UGT1A5: variants seen among roughly 807,000 people sequenced by gnomAD.
The protein encoded by UGT1A5 is UDP-glucuronosyltransferase 1A5.
A neutral mutation model predicts 40.3 loss-of-function variants in UGT1A5; 29 were observed. The observed-to-expected ratio is 0.72, with a 90% CI of 0.54 to 0.98. The LOEUF (loss-of-function observed/expected upper bound fraction) is 0.98, where lower values mean the gene tolerates loss of function less well. Among genes scored for constraint, UGT1A5 ranks in the 50% least tolerant of loss-of-function variants. The probability of loss-of-function intolerance (pLI) is 0.00; values close to 1 mark genes in which losing one functional copy is unlikely to be tolerated. For missense variants in UGT1A5, 678 were observed against 677.9 expected (o/e 1.00, Z 0.00); for synonymous variants, 257 against 262.5 (o/e 0.98, Z 0.20).
intron 1 of UGT1A5, among the ~76,000 whole-genome samples, chr2:233,716,998 C>A (rs2076539575): frequency 6.6e-6 from 1 of 152,190 alleles, no homozygotes; most frequent in African/African-American, 2.4e-5. Context: ...GTCCTCAGGG[C>A]CCCTATGTCT....
At chr2:233,744,574 T>G (rs1165688532) in intron 1 of UGT1A5, among the ~76,000 whole-genome samples, 1 of 151,936 alleles carries the variant, frequency 6.6e-6, no homozygotes, top group Non-Finnish European at 1.5e-5. Context: ...AAGAGTGGCA[T>G]CGTTTTACAG....
At chr2:233,747,436 T>C (rs1449782015) in intron 1 of UGT1A5, 22 of 1,608,824 alleles carry the variant, frequency 1.4e-5, no homozygotes, top group African/African-American at 2.7e-5. Flanking sequence ...GAGAAATTTT[T>C]CACCCTGACA....
At position 233,768,344 on chromosome 2, in the gene UGT1A5, C is replaced by T. The variant is rs114941320; in HGVS notation, c.1212C>T (p.Arg404=). 1 of 1,614,076 alleles carries T rather than the reference C, an allele frequency of 6.2e-7. No individual in the cohort carries two copies. The highest frequency in any genetic ancestry group is 2.2e-5 in the East Asian group (1 of 44,874). The change falls in exon 4 of 5, where the codon CGC becomes CGT. Residue 404 remains arginine (R), a synonymous_variant. Coordinates refer to ENST00000373414, the MANE Select transcript of UGT1A5 (RefSeq NM_019078.2). ...GTGATCAGATGGACAATGCAAAGCG[C>T]ATGGAGACTAAGGGAGCTGGAGTGA... is the stretch of plus-strand genomic sequence containing the variant. ...LFGDQMDNAK[R]METKGAGVTL...
At chr2:233,725,992 T>C (rs1189472170) in intron 1 of UGT1A5, among the ~76,000 whole-genome samples, 2 of 152,010 alleles carry the variant, frequency 1.3e-5, no homozygotes, top group Admixed American at 6.6e-5. Context: ...GTGCTGAGAC[T>C]GCATCTCTAC....
chr2:233,730,165 G>T (rs142374428), intron 1 of UGT1A5, among the ~76,000 whole-genome samples: 1 of 152,156 alleles, frequency 6.6e-6, no homozygotes. Context: ...CTCTAGTAGC[G>T]TATTTCAGGT....
chr2:233,759,159 A>G (rs1697070842), intron 1 of UGT1A5, among the ~76,000 whole-genome samples: 1 of 152,222 alleles, frequency 6.6e-6, no homozygotes, highest in Admixed American at 6.5e-5. Context: ...CACAGAACAC[A>G]AGGCAGGCAG....
In UGT1A5 at chr2:233,769,538, C is replaced by A; in HGVS notation, c.1307+1099C>A. 6.2e-7 allele frequency: 1 copy of A among 1,612,838 alleles called. No homozygotes were observed. Among genetic ancestry groups the A allele is most frequent in the Non-Finnish European group, 8.5e-7 (1 of 1,179,878 alleles). ...CATGGTTACCTCCTTTAGAAAGAAGCAGCAGTCAGGAAGACAGATGTGAAG... is the reference window on the plus strand; with the variant it reads ...CATGGTTACCTCCTTTAGAAAGAAGAAGCAGTCAGGAAGACAGATGTGAAG... On this transcript the variant is annotated intron_variant, in intron 4 of 4. Coordinates refer to ENST00000373414, the MANE Select transcript of UGT1A5 (RefSeq NM_019078.2). The surrounding 1 kb of genome is among the most constrained non-coding windows in gnomAD (Gnocchi z 4.4).
chr2:233,713,198 C>G lies in UGT1A5; in HGVS notation c.207C>G (p.Ile69Met), dbSNP rs540897333. ...VVLTLEVNMY[I>M]KEENFFTLTT... ...TCACCCTGGAGGTGAATATGTACAT[C>G]AAAGAAGAGAACTTTTTCACCCTGA... Residue 69 changes from isoleucine to methionine, a missense_variant, in exon 1 of 5, where the codon ATC becomes ATG. Transcript: ENST00000373414. 1.4e-5 allele frequency: 23 copies of G among 1,614,218 alleles called. 1 individual carries two copies. The highest frequency in any genetic ancestry group is 1.2e-4 in the African/African-American group (9 of 75,058).
intron 1 of UGT1A5, chr2:233,740,628 A>G (rs1368948290): frequency 1.3e-5 from 2 of 151,808 alleles, no homozygotes; most frequent in Non-Finnish European, 2.9e-5. Flanking sequence ...TCACAGGGTC[A>G]TGCCTTTCCT....
intron 1 of UGT1A5, among the ~76,000 whole-genome samples, chr2:233,763,590 A>T (rs772976697): frequency 6.6e-6 from 1 of 152,156 alleles, no homozygotes; most frequent in East Asian, 1.9e-4. Context: ...TTCCTTTGTT[A>T]ACTAAAAATG....
chr2:233,772,783 CAGGATGACATGTGCCATTTTTCAG>C lies in UGT1A5; in HGVS notation c.*229_*252del. 7.8e-7 allele frequency: 1 copy of C among 1,277,504 alleles called. No homozygotes were observed. The highest frequency in any genetic ancestry group is 1.0e-6 in the Non-Finnish European group (1 of 966,400). 79.1% of individuals were successfully genotyped at this position (1,277,504 alleles called of 1,614,324 possible). On this transcript the variant is annotated 3_prime_UTR_variant, in exon 5 of 5. Transcript: ENST00000373414. ...TCGTGCCCCCTCTGGTGTCTTTGAT[CAGGATGACATGTGCCATTTTTCAG>C]AGGACGTGCAGACAGGCTGGCATTC... is the stretch of plus-strand genomic sequence containing the variant.
At chr2:233,741,248 A>G (rs997599929) in intron 1 of UGT1A5, among the ~76,000 whole-genome samples, 1 of 152,014 alleles carries the variant, frequency 6.6e-6, no homozygotes, top group East Asian at 1.9e-4. Context: ...TGACACTGGT[A>G]TGCCACTCTT....
intron 1 of UGT1A5, chr2:233,761,022 G>A (rs749651784): frequency 1.2e-6 from 2 of 1,614,120 alleles, no homozygotes; most frequent in Non-Finnish European, 1.7e-6. Context: ...TGACTGTCCA[G>A]GACCTATTGA....
chr2:233,721,590 T>A (rs2076956234), intron 1 of UGT1A5: 1 of 172,476 alleles, frequency 5.8e-6, no homozygotes, highest in African/African-American at 2.4e-5. Context: ...TGCAACCTCA[T>A]CCTCAGGTTT....
In UGT1A5 at chr2:233,713,049, C is replaced by T. The variant is rs373053318; in HGVS notation, c.58C>T (p.Leu20Phe). ...PQLATGLLLL[L>F]SVQPWAESGK... Reference sequence around the variant, plus strand: ...GCTGGCCACAGGACTGCTGCTTCTCCTCAGTGTCCAGCCCTGGGCTGAGAG... The same window carrying T: ...GCTGGCCACAGGACTGCTGCTTCTCTTCAGTGTCCAGCCCTGGGCTGAGAG... The change falls in exon 1 of 5, where the codon CTC becomes TTC. Residue 20 changes from leucine to phenylalanine, a missense_variant. Physicochemically the swap from Leu to Phe is conservative, Grantham distance 22. Coordinates refer to ENST00000373414, the MANE Select transcript of UGT1A5 (RefSeq NM_019078.2). 1.1e-5 allele frequency: 18 copies of T among 1,614,092 alleles called. No homozygotes were observed. Among genetic ancestry groups the T allele is most frequent in the Middle Eastern group, 3.4e-4 (2 of 5,964 alleles).
rs369738416 is a variant in UGT1A5 at position 233,718,805 on chromosome 2, G to C, written c.867+4947G>C. Reference sequence around the variant, plus strand: ...AGCGTGGGGTGGACAGTCAGCTGTCGGTGGCTTCTGCTGAGATGGCCAGAG... The same window carrying C: ...AGCGTGGGGTGGACAGTCAGCTGTCCGTGGCTTCTGCTGAGATGGCCAGAG... On this transcript the variant is annotated intron_variant, in intron 1 of 4. Transcript: ENST00000373414. 47 of 1,613,298 alleles carry C rather than the reference G, an allele frequency of 2.9e-5. 1 individual carries two copies. Among genetic ancestry groups the C allele is most frequent in the African/African-American group, 1.3e-4 (10 of 75,040 alleles).
chr2:233,718,895 G>A (rs1353556395), intron 1 of UGT1A5: 3 of 1,614,026 alleles, frequency 1.9e-6, no homozygotes, highest in Non-Finnish European at 8.5e-7. Context: ...TCCAGCCCTG[G>A]GCTGAGAGTG....
At chr2:233,764,298 G>A (rs1320441199) in intron 1 of UGT1A5, among the ~76,000 whole-genome samples, 1 of 152,076 alleles carries the variant, frequency 6.6e-6, no homozygotes, top group African/African-American at 2.4e-5. Flanking sequence ...GTGAAGTCAG[G>A]GTGAAGTTTA....
In UGT1A5 at chr2:233,767,949, G is replaced by A. The variant is rs569380768; in HGVS notation, c.1087+13G>A. 2 of 1,614,196 alleles carry A rather than the reference G, an allele frequency of 1.2e-6. No homozygotes were observed. Among genetic ancestry groups the A allele is most frequent in the East Asian group, 2.2e-5 (1 of 44,890 alleles). On this transcript the variant is annotated intron_variant, in intron 3 of 4. Coordinates refer to ENST00000373414, the MANE Select transcript of UGT1A5 (RefSeq NM_019078.2). ...AACGATCTGCTTGGTATGTTGGGCG[G>A]ATTGGATGTATAGGTCAAACCAGGG...
Sources: gnomAD v4.1 joint callset for allele counts (sites outside exome capture counted in the v4.1 genomes callset) on GRCh38, gnomAD v4.1.1 for gene constraint, Gnocchi (gnomAD v3.1) non-coding constraint, MANE v1.5 for transcripts, NCBI Gene and HGNC (gene_info 2026-07-23, HGNC 2026-07-21) for gene names.